Variants in ADARB2 observed in about 807,000 individuals in gnomAD.
ADARB2 encodes inactive double-stranded RNA-specific editase B2.
ADARB2 carries 25 observed loss-of-function variants against 62.2 expected under a neutral mutation model. That is an observed-to-expected ratio of 0.40 (90% confidence interval 0.29 to 0.56). The LOEUF is 0.56. ADARB2 is among the 20% of genes least tolerant of loss of function. ADARB2 has a pLI of 0.43. For synonymous variants in ADARB2, 572 were observed against 500.8 expected (o/e 1.14, Z -1.90); for missense variants, 1,071 against 1,077.4 (o/e 0.99, Z 0.08).
chr10:1,452,468 A>C (rs1483665924), intron 1 of ADARB2, among the ~76,000 whole-genome samples: 2 of 152,232 alleles, frequency 1.3e-5, no homozygotes, highest in Non-Finnish European at 2.9e-5. Flanking sequence ...GCAGCCATAA[A>C]AAAGGTTGAG....
chr10:1,398,925 G>A lies in ADARB2; in HGVS notation c.101-19765C>T, dbSNP rs532800214. Reference sequence around the variant, plus strand: ...TAGAGTGGTTTGCCAGAGAACCACCGAAGAGCCTTCCAGGGACTTCTAAGA... The same window carrying A: ...TAGAGTGGTTTGCCAGAGAACCACCAAAGAGCCTTCCAGGGACTTCTAAGA... On this transcript the variant is annotated intron_variant, in intron 1 of 9. Coordinates refer to ENST00000381312, the MANE Select transcript of ADARB2 (RefSeq NM_018702.4). The surrounding 1 kb of genome is among the most constrained non-coding windows in gnomAD (Gnocchi z 4.1). 6.6e-6 allele frequency among the ~76,000 whole-genome samples: 1 copy of A among 152,304 alleles called. No individual in the cohort carries two copies. Among genetic ancestry groups the A allele is most frequent in the South Asian group, 2.1e-4 (1 of 4,828 alleles).
intron 8 of ADARB2, among the ~76,000 whole-genome samples, chr10:1,191,984 C>G (rs1836851709): frequency 6.6e-6 from 1 of 152,200 alleles, no homozygotes; most frequent in South Asian, 2.1e-4. Flanking sequence ...ATCACCATTA[C>G]TAGGACCGGT....
intron 3 of ADARB2, among the ~76,000 whole-genome samples, chr10:1,342,213 TG>T (rs1014594136): frequency 1.3e-5 from 2 of 152,176 alleles, no homozygotes; most frequent in African/African-American, 4.8e-5. Flanking sequence ...ACCCTCTGCC[TG>T]GATGTCCCAT....
chr10:1,424,817 C>T (rs533680915), intron 1 of ADARB2, among the ~76,000 whole-genome samples: 4 of 152,236 alleles, frequency 2.6e-5, no homozygotes, highest in South Asian at 4.2e-4. Flanking sequence ...GTCATCCTGT[C>T]GCATTTTGGT....
At chr10:1,346,825 A>G (rs1237732006) in intron 3 of ADARB2, among the ~76,000 whole-genome samples, 4 of 152,242 alleles carry the variant, frequency 2.6e-5, no homozygotes, top group Non-Finnish European at 4.4e-5. Context: ...TGGTTTGGAA[A>G]GCTAGAATTT....
chr10:1,559,887 G>C (rs1367652267), intron 1 of ADARB2, among the ~76,000 whole-genome samples: 2 of 152,230 alleles, frequency 1.3e-5, no homozygotes, highest in Non-Finnish European at 2.9e-5. Context: ...GAGATGGGCG[G>C]CTTCTCAGAA....
intron 1 of ADARB2, among the ~76,000 whole-genome samples, chr10:1,582,015 G>A (rs918539721): frequency 2.6e-5 from 4 of 152,178 alleles, no homozygotes; most frequent in African/African-American, 9.7e-5. Flanking sequence ...TGACACTCGA[G>A]CTGCATAAAC....
At chr10:1,550,683 T>C (rs1228414912) in intron 1 of ADARB2, among the ~76,000 whole-genome samples, 1 of 152,118 alleles carries the variant, frequency 6.6e-6, no homozygotes, top group African/African-American at 2.4e-5. Flanking sequence ...GAACTGATTT[T>C]GGAATTTGTT....
At chr10:1,406,915 C>A (rs566969965) in intron 1 of ADARB2, among the ~76,000 whole-genome samples, 1 of 152,108 alleles carries the variant, frequency 6.6e-6, no homozygotes, top group East Asian at 1.9e-4. Context: ...GGAGCTTATG[C>A]CCCCCTCGCC....
At chr10:1,295,688 T>G (rs1419790834) in intron 3 of ADARB2, among the ~76,000 whole-genome samples, 2 of 152,138 alleles carry the variant, frequency 1.3e-5, no homozygotes, top group African/African-American at 2.4e-5. Flanking sequence ...GCATGAAGGG[T>G]CTCATTAAGA....
At chr10:1,226,779 T>G (rs1234595349) in intron 6 of ADARB2, among the ~76,000 whole-genome samples, 1 of 152,160 alleles carries the variant, frequency 6.6e-6, no homozygotes, top group Non-Finnish European at 1.5e-5. Flanking sequence ...AAGTTTTGTC[T>G]TAGAGGAGTA....
chr10:1,310,262 T>TG (rs1831676466), intron 3 of ADARB2, among the ~76,000 whole-genome samples: 2 of 152,324 alleles, frequency 1.3e-5, no homozygotes, highest in Admixed American at 6.5e-5. Context: ...TGCCTGGCAC[T>TG]GAGAGACACT....
chr10:1,537,683 A>G (rs910098094), intron 1 of ADARB2, among the ~76,000 whole-genome samples: 3 of 152,220 alleles, frequency 2.0e-5, no homozygotes, highest in Non-Finnish European at 4.4e-5. Context: ...GAAGCTGGAA[A>G]CCATCATCCT....
chr10:1,688,818 C>T (rs142823298), intron 1 of ADARB2, among the ~76,000 whole-genome samples: 232 of 152,340 alleles, frequency 1.5e-3, no homozygotes, highest in African/African-American at 5.4e-3. Flanking sequence ...TTTTTATACA[C>T]CTTCTTGGTT....
intron 1 of ADARB2, among the ~76,000 whole-genome samples, chr10:1,670,780 T>C (rs1433653817): frequency 1.3e-5 from 2 of 152,052 alleles, no homozygotes; most frequent in Non-Finnish European, 2.9e-5. Context: ...GTCCAGCAGG[T>C]TTCTGCTTCT....
chr10:1,680,408 T>C (rs1407212237), intron 1 of ADARB2, among the ~76,000 whole-genome samples: 6 of 151,978 alleles, frequency 3.9e-5, no homozygotes, highest in Non-Finnish European at 8.8e-5. Flanking sequence ...CCCACATACA[T>C]ACAGGGGGCA....
intron 1 of ADARB2, among the ~76,000 whole-genome samples, chr10:1,466,262 C>G (rs1169065656): frequency 6.6e-6 from 1 of 152,218 alleles, no homozygotes; most frequent in East Asian, 1.9e-4. Flanking sequence ...GGACCTTGGC[C>G]ACGGCTGAAG....
intron 1 of ADARB2, among the ~76,000 whole-genome samples, chr10:1,603,449 A>T (rs1354646217): frequency 6.6e-6 from 1 of 152,200 alleles, no homozygotes; most frequent in East Asian, 1.9e-4. Context: ...GGATCACAGG[A>T]CTGAAGATTT....
Position 1,523,455 on chromosome 10 carries a change from G to A in ADARB2, c.101-144295C>T, listed in dbSNP as rs1304407834. Among the ~76,000 whole-genome samples, 6 of 152,130 alleles carry A rather than the reference G, an allele frequency of 3.9e-5. No individual in the cohort carries two copies. In the East Asian group the frequency reaches 9.6e-4, roughly 24 times the overall value. ...AACCAAGAACAAAGCCCCTATGCTT[G>A]CTGGGCCATCCCACCCCCTCACATT... On this transcript the variant is annotated intron_variant, in intron 1 of 9. Transcript: ENST00000381312.
Sources: allele counts gnomAD v4.1 joint callset (sites outside exome capture counted in the v4.1 genomes callset), GRCh38; gene constraint gnomAD v4.1.1; non-coding constraint Gnocchi (gnomAD v3.1); transcripts MANE v1.5; gene names NCBI Gene and HGNC (gene_info 2026-07-23, HGNC 2026-07-21).